The following TRAK1 variants were observed in gnomAD, a reference collection of about 807,000 sequenced individuals.
TRAK1 encodes trafficking kinesin-binding protein 1.
Under a neutral mutation model 92.1 loss-of-function variants are expected in TRAK1, and 33 were observed. That is an observed-to-expected ratio of 0.36 (90% CI 0.27 to 0.48). TRAK1 has a LOEUF of 0.48. Ranked by LOEUF, TRAK1 falls within the 20% of genes least tolerant of loss-of-function variation. The pLI, the probability that TRAK1 is intolerant of heterozygous loss-of-function variation, is 0.99. For missense variants in TRAK1, 1,123 were observed against 1,257.9 expected (o/e 0.89, Z 1.62); for synonymous variants, 521 against 517.3 (o/e 1.01, Z -0.10).
intron 2 of TRAK1, among the ~76,000 whole-genome samples, chr3:42,132,672 G>A (rs1034950676): frequency 6.6e-6 from 1 of 152,028 alleles, no homozygotes; most frequent in Non-Finnish European, 1.5e-5. Context: ...CCACCGTCAG[G>A]CATAGTCATT....
chr3:42,074,601 A>G (rs572704806), intron 1 of TRAK1, among the ~76,000 whole-genome samples: 24 of 152,262 alleles, frequency 1.6e-4, no homozygotes, highest in African/African-American at 4.6e-4. Context: ...AGATAGAAAC[A>G]AAATGTTGAA....
rs374428098 is a variant in TRAK1, at chr3:42,210,240, G to A, written c.1963+255G>A. 6.8e-5 allele frequency: 104 copies of A among 1,528,322 alleles called. 2 individuals carry two copies. The South Asian group carries it at 1.1e-3, about 16-fold the overall frequency. The allele number at this position is 1,528,322 out of a possible 1,614,324, so 94.7% of individuals were successfully genotyped here. On this transcript the variant is annotated intron_variant, in intron 14 of 15. Coordinates refer to ENST00000327628, the MANE Select transcript of TRAK1 (RefSeq NM_001042646.3). The stretch of plus-strand genomic sequence containing the variant: ...TAGTGGTTCTCTGTCTGTAGCTTCC[G>A]CTCGTCTGTGTGGGTGATGATTAAA...
chr3:42,081,477 T>G (rs1036315629), intron 1 of TRAK1, among the ~76,000 whole-genome samples: 2 of 152,232 alleles, frequency 1.3e-5, no homozygotes, highest in Non-Finnish European at 2.9e-5. Flanking sequence ...GACATTTACT[T>G]AGTACCTAAT....
At position 42,134,191 on chromosome 3, in the gene TRAK1, C is replaced by G. The variant is rs1217909972; in HGVS notation, c.286+8577C>G. 2.7e-5 allele frequency among the ~76,000 whole-genome samples: 3 copies of G among 109,796 alleles called. No homozygotes were observed. The East Asian group carries it at 8.8e-4, about 32-fold the overall frequency. The allele number at this position is 109,796 out of a possible 152,430, so 72.0% of individuals were successfully genotyped here. A position where few individuals can be genotyped will look rare whatever the true frequency, so the allele number is the denominator to read the frequency against. On this transcript the variant is annotated intron_variant, in intron 2 of 15. Coordinates refer to ENST00000327628, the MANE Select transcript of TRAK1 (RefSeq NM_001042646.3). ...CCTTCCCCTTCCTCTTCCCCTTCCC[C>G]CTCCCCTTCCCCTTCCCCCCTCCCC...
Position 42,202,917 on chromosome 3 carries a change from T to C in TRAK1, c.1744+165T>C, listed in dbSNP as rs1707842274. The stretch of plus-strand genomic sequence containing the variant: ...GTTCCTCTGAGGGTGGTGCTCAGCC[T>C]AGGCCTCCGTCCCTCCCCTCTGGCT... On this transcript the variant is annotated intron_variant, in intron 13 of 15. Transcript: ENST00000327628. The surrounding 1 kb of genome is among the most constrained non-coding windows in gnomAD (Gnocchi z 6.1). The C allele has an allele frequency of 2.1e-6, 3 of 1,423,640 alleles. No individual in the cohort carries two copies. In the Admixed American group the frequency reaches 8.3e-5, roughly 39 times the overall value. The allele number at this position is 1,423,640 out of a possible 1,614,324, so 88.2% of individuals were successfully genotyped here.
chr3:42,046,767 T>G (rs1702767290), intron 1 of TRAK1, among the ~76,000 whole-genome samples: 2 of 152,124 alleles, frequency 1.3e-5, no homozygotes, highest in African/African-American at 2.4e-5. Flanking sequence ...AAATGTAAAT[T>G]TTTCCCCCTA....
intron 11 of TRAK1, 115 bp from the exon 12 acceptor site, chr3:42,200,703 G>C: frequency 3.0e-6 from 3 of 1,005,094 alleles, no homozygotes; most frequent in Non-Finnish European, 4.6e-6. Flanking sequence ...GCAGGCTGCT[G>C]GGGGACTCGT....
chr3:42,028,610 AAGCTTCC>A (rs1014314607), intron 1 of TRAK1, among the ~76,000 whole-genome samples: 2 of 152,138 alleles, frequency 1.3e-5, no homozygotes, highest in African/African-American at 4.8e-5. Flanking sequence ...TATGGAGGAA[AAGCTTCC>A]CAGGCAGAGC....
chr3:42,209,690 A>G, intron 13 of TRAK1, 77 bp from the exon 14 acceptor site: 3 of 1,433,490 alleles, frequency 2.1e-6, no homozygotes, highest in Non-Finnish European at 9.6e-7. Context: ...AGGGTGGTAA[A>G]CAGCCATTGT....
chr3:42,222,862 C>G lies in TRAK1; in HGVS notation c.2067-80C>G, dbSNP rs564248136. ...CGTGTCCTGGGTCGTCCCTACCCCC[C>G]CTGCAGGAAACTGGCCACTGACCCT... On this transcript the variant is annotated intron_variant, in intron 15 of 15. Transcript: ENST00000327628. The G allele has an allele frequency of 3.8e-5, 57 of 1,502,702 alleles. No individual in the cohort carries two copies. In the East Asian group the frequency reaches 4.5e-4, roughly 12 times the overall value. The allele number at this position is 1,502,702 out of a possible 1,614,324, so 93.1% of individuals were successfully genotyped here. A position where few individuals can be genotyped will look rare whatever the true frequency, so the allele number is the denominator to read the frequency against.
rs1165507777 is a variant in TRAK1, at chr3:42,201,877, CAGACGG to C, written c.1428-557_1428-552del. Among the ~76,000 whole-genome samples, 440 of 130,436 alleles carry C rather than the reference CAGACGG, an allele frequency of 3.4e-3. 8 individuals carry two copies. Among genetic ancestry groups the C allele is most frequent in the African/African-American group, 0.013 (413 of 32,584 alleles). 85.6% of individuals were successfully genotyped at this position (130,436 alleles called of 152,430 possible). A position where few individuals can be genotyped will look rare whatever the true frequency, so the allele number is the denominator to read the frequency against. On this transcript the variant is annotated intron_variant, in intron 12 of 15. Transcript: ENST00000327628. ...CTGGACGGACGGACGGACGGACGGA[CAGACGG>C]ACACACACACACACACACACACACA...
chr3:42,127,905 G>A lies in TRAK1; in HGVS notation c.286+2291G>A, dbSNP rs114775950. On this transcript the variant is annotated intron_variant, in intron 2 of 15. Coordinates refer to ENST00000327628, the MANE Select transcript of TRAK1 (RefSeq NM_001042646.3). ...TTTAACAGTAGACTTGAGGCCGGGC[G>A]TGGTGGCTCACACCTGTAATCCCAG... is the stretch of plus-strand genomic sequence containing the variant. Among the ~76,000 whole-genome samples, 786 of 152,268 alleles carry A rather than the reference G, an allele frequency of 5.2e-3. 6 individuals carry two copies. The highest frequency in any genetic ancestry group is 8.0e-3 in the Admixed American group (122 of 15,292).
intron 2 of TRAK1, among the ~76,000 whole-genome samples, chr3:42,152,706 A>T (rs1447178035): frequency 1.3e-5 from 2 of 152,244 alleles, no homozygotes; most frequent in East Asian, 3.8e-4. Context: ...TCTTGGCTAC[A>T]CTGGCCACTT....
At chr3:42,207,132 C>G (rs1366817624) in intron 13 of TRAK1, among the ~76,000 whole-genome samples, 1 of 152,178 alleles carries the variant, frequency 6.6e-6, no homozygotes, top group Non-Finnish European at 1.5e-5. Context: ...CCATATTGTA[C>G]ATGGGGTTTT....
At chr3:42,104,541 T>C (rs780145135) in intron 1 of TRAK1, among the ~76,000 whole-genome samples, 2 of 152,124 alleles carry the variant, frequency 1.3e-5, no homozygotes, top group African/African-American at 2.4e-5. Flanking sequence ...TCCTGCAATA[T>C]TTGCTATTCT....
chr3:42,208,400 T>C (rs940056836), intron 13 of TRAK1, among the ~76,000 whole-genome samples: 1 of 152,192 alleles, frequency 6.6e-6, no homozygotes, highest in South Asian at 2.1e-4. Context: ...TGAGAAGTTA[T>C]TTCCAAGGGG....
chr3:42,070,950 G>T (rs979996054), intron 1 of TRAK1, among the ~76,000 whole-genome samples: 17 of 152,074 alleles, frequency 1.1e-4, no homozygotes, highest in African/African-American at 4.1e-4. Context: ...TTCACCTGTT[G>T]GTTCTTAGGC....
intron 1 of TRAK1, among the ~76,000 whole-genome samples, chr3:42,063,439 A>C (rs925979633): frequency 2.0e-5 from 3 of 152,188 alleles, no homozygotes; most frequent in Non-Finnish European, 4.4e-5. Context: ...TAATCCCAGC[A>C]CTTTGGGAGG....
chr3:42,077,495 G>T (rs1384087743), intron 1 of TRAK1, among the ~76,000 whole-genome samples: 1 of 152,104 alleles, frequency 6.6e-6, no homozygotes. Flanking sequence ...CACCATGTTG[G>T]CCAGGCTGGC....
Sources: gnomAD v4.1 joint callset for allele counts (sites outside exome capture counted in the v4.1 genomes callset) on GRCh38, gnomAD v4.1.1 for gene constraint, Gnocchi (gnomAD v3.1) non-coding constraint, MANE v1.5 for transcripts, NCBI Gene and HGNC (gene_info 2026-07-23, HGNC 2026-07-21) for gene names.